IDI1: variants seen among roughly 807,000 people sequenced by gnomAD.
The protein encoded by IDI1 is isopentenyl-diphosphate delta isomerase 1, also known as isopentenyl-diphosphate Delta-isomerase 1.
Under a neutral mutation model 32.9 loss-of-function variants are expected in IDI1, and 23 were observed. The observed-to-expected ratio is 0.70, with a 90% confidence interval of 0.50 to 0.99. The LOEUF (loss-of-function observed/expected upper bound fraction) is 0.99. Among genes scored for constraint, IDI1 ranks in the 50% least tolerant of loss-of-function variants. The probability of loss-of-function intolerance (pLI) is 0.00; values close to 1 mark genes in which losing one functional copy is unlikely to be tolerated. For synonymous variants in IDI1, 133 were observed against 128.2 expected, an observed-to-expected ratio of 1.04 and a Z score of -0.25; for missense variants, 326 against 351.9, an observed-to-expected ratio of 0.93 and a Z score of 0.59.
chr10:1,052,477 A>G (rs11819178), upstream of IDI1, among the ~76,000 whole-genome samples: 15,708 of 152,306 alleles, frequency 0.1, 971 homozygotes, highest in African/African-American at 0.17. Flanking sequence ...ATGGGCTGCA[A>G]AAGGGATGTT....
rs1379695719 is a variant in IDI1 at position 1,040,577 on chromosome 10, G to GCTGA, written c.*606_*609dup. 1.3e-5 allele frequency: 2 copies of GCTGA among 152,220 alleles called. No homozygotes were observed. The highest frequency in any genetic ancestry group is 4.8e-5 in the African/African-American group (2 of 41,416). 9.4% of individuals were successfully genotyped at this position (152,220 alleles called of 1,614,324 possible). A position where few individuals can be genotyped will look rare whatever the true frequency, so the allele number is the denominator to read the frequency against. On this transcript the variant is annotated 3_prime_UTR_variant, in exon 5 of 5. Transcript: ENST00000381344. Reference sequence around the variant, plus strand: ...TCAATATCACTTATCAAAAGCAGTGGCTGACTGTAAGTATCAACATGTTTC... The same window carrying GCTGA: ...TCAATATCACTTATCAAAAGCAGTGGCTGACTGACTGTAAGTATCAACATGTTTC...
At position 1,040,890 on chromosome 10, in the gene IDI1, T is replaced by TA. The variant is rs1832552779; in HGVS notation, c.*296dup. The stretch of plus-strand genomic sequence containing the variant: ...TTCACTCATTTGTTCAAATTTCCCA[T>TA]AAGTATGTATCTGCAAAGATTAAAT... On this transcript the variant is annotated 3_prime_UTR_variant, in exon 5 of 5. Coordinates refer to ENST00000381344, the MANE Select transcript of IDI1 (RefSeq NM_004508.4). The TA allele has an allele frequency of 4.3e-6, 1 of 234,526 alleles. No homozygotes were observed. Among genetic ancestry groups the TA allele is most frequent in the African/African-American group, 2.3e-5 (1 of 44,284 alleles). 14.5% of individuals were successfully genotyped at this position (234,526 alleles called of 1,614,324 possible). A position where few individuals can be genotyped will look rare whatever the true frequency, so the allele number is the denominator to read the frequency against.
chr10:1,048,244 T>C (rs1832859568), intron 1 of IDI1: 2 of 1,302,948 alleles, frequency 1.5e-6, no homozygotes, highest in East Asian at 5.5e-5. Flanking sequence ...AATACGTCTA[T>C]TTATGCGTTT....
At chr10:1,042,539 G>A (rs1238186505) in intron 4 of IDI1, 93 bp downstream of exon 4, 1 of 1,237,062 alleles carries the variant, frequency 8.1e-7, no homozygotes, top group Non-Finnish European at 1.2e-6. Context: ...TTACCAAGCA[G>A]AGAACTACAT....
At chr10:1,048,312 G>A (rs1343403174) in intron 1 of IDI1, 2 of 1,304,514 alleles carry the variant, frequency 1.5e-6, no homozygotes, top group Admixed American at 4.6e-5. Context: ...AAAAGGTCTA[G>A]TTCCATCTAT....
In IDI1 at chr10:1,042,770, ATG is replaced by A; in HGVS notation, c.407-10_407-9del. 6.2e-7 allele frequency: 1 copy of A among 1,612,384 alleles called. No individual in the cohort carries two copies. The highest frequency in any genetic ancestry group is 8.5e-7 in the Non-Finnish European group (1 of 1,178,634). On this transcript the variant is annotated splice_polypyrimidine_tract_variant and intron_variant, in intron 3 of 4. Coordinates refer to ENST00000381344, the MANE Select transcript of IDI1 (RefSeq NM_004508.4). Reference sequence around the variant, plus strand: ...ACGTATTCGTAAAACAACCTGGAAAATGGTAATACAGAGACAGATCAACTTTT... The same window carrying A: ...ACGTATTCGTAAAACAACCTGGAAAAGTAATACAGAGACAGATCAACTTTT...
At chr10:1,053,991 C>A (rs1230599887), upstream of IDI1, among the ~76,000 whole-genome samples, 2 of 152,150 alleles carry the variant, frequency 1.3e-5, no homozygotes, top group Non-Finnish European at 2.9e-5. Flanking sequence ...GGTCAGAACA[C>A]ATAAAACATT....
At position 1,039,471 on chromosome 10, in the gene IDI1, T is replaced by G. The variant is rs1589045847; in HGVS notation, c.*1716A>C. On this transcript the variant is annotated 3_prime_UTR_variant, in exon 5 of 5. Transcript: ENST00000381344. Reference sequence around the variant, plus strand: ...TTTGAAGATTAAGAGTTTAAAACAGTTTAAGAAAAAAAAAATTTATAGGTA... The same window carrying G: ...TTTGAAGATTAAGAGTTTAAAACAGGTTAAGAAAAAAAAAATTTATAGGTA... 6.6e-6 allele frequency: 1 copy of G among 152,270 alleles called. No individual in the cohort carries two copies. The highest frequency in any genetic ancestry group is 1.9e-4 in the East Asian group (1 of 5,188). 9.4% of individuals were successfully genotyped at this position (152,270 alleles called of 1,614,324 possible).
chr10:1,048,926 T>A lies in IDI1; in HGVS notation c.78A>T (p.Ala26=). 6.3e-7 allele frequency: 1 copy of A among 1,597,130 alleles called. No individual in the cohort carries two copies. The highest frequency in any genetic ancestry group is 1.1e-5 in the South Asian group (1 of 89,574). Residue 26 remains alanine (A), a synonymous_variant, in exon 1 of 5, where the codon GCA becomes GCT. Transcript: ENST00000381344. ...GATGGCGCCCGCTTTGAGCACAGTC[T>A]GCGGCGCGCACCGCCCACTGGCCCC... ...RGRGQWAVRA[A]DCAQSGRHPG... is the part of the protein sequence containing the mutation.
intron 1 of IDI1, chr10:1,048,199 T>A (rs941883679): frequency 7.8e-7 from 1 of 1,274,754 alleles, no homozygotes; most frequent in Non-Finnish European, 1.0e-6. Context: ...GAATTCAGAT[T>A]TTAAAGCTAA....
the IDI1 span, among the ~76,000 whole-genome samples, chr10:1,054,163 C>T: frequency 6.6e-6 from 1 of 152,170 alleles, no homozygotes; most frequent in South Asian, 2.1e-4. Flanking sequence ...GAAGTGAGCA[C>T]ATACTGTTAG....
rs930254765 is a variant in IDI1, at chr10:1,039,528, T to C, written c.*1659A>G. On this transcript the variant is annotated 3_prime_UTR_variant, in exon 5 of 5. Transcript: ENST00000381344. ...AGCTTTCTAGTTGAAAACCAACACA[T>C]CTGCCTTTGGGGTCAGAAGCAGCTA... The C allele has an allele frequency of 1.3e-5, 2 of 152,234 alleles. No homozygotes were observed. Among genetic ancestry groups the C allele is most frequent in the African/African-American group, 4.8e-5 (2 of 41,462 alleles). 9.4% of individuals were successfully genotyped at this position (152,234 alleles called of 1,614,324 possible).
intron 1 of IDI1, among the ~76,000 whole-genome samples, chr10:1,046,080 C>A (rs1403693461): frequency 6.6e-6 from 1 of 152,172 alleles, no homozygotes; most frequent in East Asian, 1.9e-4. Context: ...TACAGTCATC[C>A]TTTGGTATAT....
chr10:1,048,210 G>C, intron 1 of IDI1: 7 of 1,285,028 alleles, frequency 5.4e-6, no homozygotes, highest in Non-Finnish European at 7.2e-6. Context: ...TTAAAGCTAA[G>C]CTGCATAATC....
Position 1,043,283 on chromosome 10 carries a change from C to G in IDI1, c.406+18G>C. On this transcript the variant is annotated intron_variant, in intron 3 of 4. Transcript: ENST00000381344. The stretch of plus-strand genomic sequence containing the variant: ...ATTAATGTACAAACACAATATTGTA[C>G]ATTAAAAGTGTACTAACCTGGAAAG... The G allele has an allele frequency of 7.1e-7, 1 of 1,414,890 alleles. No homozygotes were observed. The highest frequency in any genetic ancestry group is 1.0e-6 in the Non-Finnish European group (1 of 1,001,362). The allele number at this position is 1,414,890 out of a possible 1,614,324, so 87.6% of individuals were successfully genotyped here.
the IDI1 span, among the ~76,000 whole-genome samples, chr10:1,056,093 C>T: frequency 6.6e-6 from 1 of 152,138 alleles, no homozygotes; most frequent in East Asian, 1.9e-4. Context: ...AGGCGTGAGC[C>T]ACCGCGCCTG....
upstream of IDI1, among the ~76,000 whole-genome samples, chr10:1,050,005 C>T (rs1461152536): frequency 2.6e-5 from 4 of 152,154 alleles, no homozygotes; most frequent in African/African-American, 9.7e-5. Context: ...GCGAATTCAG[C>T]TATTTCCTCT....
At chr10:1,048,262 A>G in intron 1 of IDI1, 1 of 1,304,240 alleles carries the variant, frequency 7.7e-7, no homozygotes, top group Non-Finnish European at 1.0e-6. Flanking sequence ...TTTAAAGAAT[A>G]CCATGTAGTA....
chr10:1,039,485 A>C lies in IDI1; in HGVS notation c.*1702T>G, dbSNP rs1332069700. ...GTTTAAAACAGTTTAAGAAAAAAAA[A>C]ATTTATAGGTACCATTTAGCTTTCT... On this transcript the variant is annotated 3_prime_UTR_variant, in exon 5 of 5. Transcript: ENST00000381344. 5.3e-5 allele frequency: 8 copies of C among 152,378 alleles called. No homozygotes were observed. The East Asian group carries it at 1.5e-3, about 29-fold the overall frequency. 9.4% of individuals were successfully genotyped at this position (152,378 alleles called of 1,614,324 possible). A position where few individuals can be genotyped will look rare whatever the true frequency, so the allele number is the denominator to read the frequency against.
Sources: gnomAD v4.1 joint callset for allele counts (sites outside exome capture counted in the v4.1 genomes callset) on GRCh38, gnomAD v4.1.1 for gene constraint, MANE v1.5 for transcripts, NCBI Gene and HGNC (gene_info 2026-07-23, HGNC 2026-07-21) for gene names.